The following SAFB2 variants were observed in gnomAD, a reference collection of about 807,000 sequenced individuals.
SAFB2 encodes scaffold attachment factor B2.
SAFB2 carries 32 observed loss-of-function variants against 100.6 expected under a neutral mutation model. The observed-to-expected ratio is 0.32, with a 90% CI of 0.24 to 0.43. SAFB2 has a LOEUF of 0.43. Among genes scored for constraint, SAFB2 ranks in the 20% least tolerant of loss-of-function variants. The pLI is 1.00. For synonymous variants in SAFB2, 500 were observed against 439.4 expected (o/e 1.14, Z -1.72); for missense variants, 1,185 against 1,163.4 (o/e 1.02, Z -0.27).
Position 5,587,104 on chromosome 19 carries a change from G to C in SAFB2, c.*139C>G. ...ACATTTATTTAAAAAAAAAAAAAAA[G>C]TGAGTTCACATTGTATTGAGCTACA... On this transcript the variant is annotated 3_prime_UTR_variant, in exon 21 of 21. Coordinates refer to ENST00000252542, the MANE Select transcript of SAFB2 (RefSeq NM_014649.3). The surrounding 1 kb of genome is among the most constrained non-coding windows in gnomAD (Gnocchi z 4.9). 1 of 962,954 alleles carries C rather than the reference G, an allele frequency of 1.0e-6. No homozygotes were observed. Among genetic ancestry groups the C allele is most frequent in the Admixed American group, 2.6e-5 (1 of 38,468 alleles). 59.7% of individuals were successfully genotyped at this position (962,954 alleles called of 1,614,324 possible). A position where few individuals can be genotyped will look rare whatever the true frequency, so the allele number is the denominator to read the frequency against.
chr19:5,605,250 G>A (rs556313840), intron 9 of SAFB2, among the ~76,000 whole-genome samples: 34 of 151,762 alleles, frequency 2.2e-4, no homozygotes, highest in Non-Finnish European at 4.9e-4. Context: ...GATTACAGGC[G>A]CCCGCCACCA....
chr19:5,602,578 C>T (rs987645137), intron 11 of SAFB2, among the ~76,000 whole-genome samples: 5 of 151,888 alleles, frequency 3.3e-5, no homozygotes, highest in Non-Finnish European at 4.4e-5. Flanking sequence ...CCAGCCTTGC[C>T]GTTTCCCAGC....
chr19:5,590,458 G>A (rs1156279094), intron 17 of SAFB2, 50 bp from the exon 18 acceptor site: 2 of 1,539,028 alleles, frequency 1.3e-6, no homozygotes, highest in Non-Finnish European at 1.8e-6. Context: ...CACCCACATA[G>A]GCCCACCTTC....
At chr19:5,592,695 T>C (rs935735676) in intron 16 of SAFB2, 52 bp downstream of exon 16, 1 of 1,605,402 alleles carries the variant, frequency 6.2e-7, no homozygotes, top group African/African-American at 1.3e-5. Flanking sequence ...GTCAGCTGGA[T>C]GCCCCGGTGC....
At chr19:5,616,063 C>T (rs751231155) in intron 4 of SAFB2, 69 bp downstream of exon 4, 39 of 1,448,130 alleles carry the variant, frequency 2.7e-5, no homozygotes, top group African/African-American at 8.4e-5. Flanking sequence ...CTCCCTCACA[C>T]GAGCAGCACG....
At chr19:5,619,301 G>A (rs2053095097) in intron 2 of SAFB2, among the ~76,000 whole-genome samples, 1 of 152,148 alleles carries the variant, frequency 6.6e-6, no homozygotes, top group African/African-American at 2.4e-5. Context: ...GCTCTCTCTG[G>A]GCTTGGTTAC....
At position 5,593,872 on chromosome 19, in the gene SAFB2, C is replaced by T; in HGVS notation, c.2207+19G>A. 2 of 1,451,058 alleles carry T rather than the reference C, an allele frequency of 1.4e-6. No homozygotes were observed. Among genetic ancestry groups the T allele is most frequent in the South Asian group, 1.5e-5 (1 of 68,178 alleles). 89.9% of individuals were successfully genotyped at this position (1,451,058 alleles called of 1,614,324 possible). A position where few individuals can be genotyped will look rare whatever the true frequency, so the allele number is the denominator to read the frequency against. On this transcript the variant is annotated intron_variant, in intron 15 of 20. Coordinates refer to ENST00000252542, the MANE Select transcript of SAFB2 (RefSeq NM_014649.3). ...GCCACGCTGGTCTCCGTCCTGCCCA[C>T]GCTCTGGGCGGGACTCACCGGTCCA...
At chr19:5,588,733 C>A (rs1013642626) in intron 18 of SAFB2, among the ~76,000 whole-genome samples, 1 of 152,114 alleles carries the variant, frequency 6.6e-6, no homozygotes, top group African/African-American at 2.4e-5. Flanking sequence ...GGTGCAGCTG[C>A]TAAAAGGGGC....
rs546267637 is a variant in SAFB2 at position 5,619,610 on chromosome 19, C to A, written c.274+1699G>T. ...ATCCCAGCACTTTGGGAGGCCCAGG[C>A]GGGTGGATCACCTGAGGTGAGGAGT... On this transcript the variant is annotated intron_variant, in intron 2 of 20. Transcript: ENST00000252542. Among the ~76,000 whole-genome samples the A allele has an allele frequency of 1.3e-4, 20 of 152,252 alleles. No individual in the cohort carries two copies. In the South Asian group the frequency reaches 3.5e-3, roughly 27 times the overall value.
At chr19:5,609,129 C>CATT (rs1296189828) in intron 9 of SAFB2, among the ~76,000 whole-genome samples, 1 of 149,750 alleles carries the variant, frequency 6.7e-6, no homozygotes, top group African/African-American at 2.5e-5. Context: ...ACAGTGGAAT[C>CATT]ATTTTAAATT....
rs746076638 is a variant in SAFB2 at position 5,587,909 on chromosome 19, A to G, written c.2597T>C (p.Met866Thr). The G allele has an allele frequency of 4.3e-6, 7 of 1,612,740 alleles. No individual in the cohort carries two copies. Among genetic ancestry groups the G allele is most frequent in the East Asian group, 2.2e-5 (1 of 44,874 alleles). ...EHQARAWQGA[M>T]DAGAASREHA... ...CTCCCGGCTAGCCGCGCCTGCGTCC[A>G]TGGCACCCTGCCAGGCGCGTGCCTG... Residue 866 changes from methionine (M) to threonine (T), a missense_variant, in exon 19 of 21, where the codon ATG (methionine) becomes ACG (threonine). By Grantham distance (81) the Met-to-Thr change is moderately conservative. Around this residue, in one of 3 missense-constraint regions of SAFB2, gnomAD observed 740 missense variants for 687.1 expected, o/e 1.08. Coordinates refer to ENST00000252542, the MANE Select transcript of SAFB2 (RefSeq NM_014649.3). This position sits in a 1 kb window ranked among gnomAD's most constrained non-coding sequence, Gnocchi z 4.9.
chr19:5,594,018 C>T lies in SAFB2; in HGVS notation c.2080G>A (p.Val694Met), dbSNP rs895204677. The T allele has an allele frequency of 5.7e-6, 9 of 1,565,452 alleles. No individual in the cohort carries two copies. The highest frequency in any genetic ancestry group is 1.3e-5 in the African/African-American group (1 of 74,094). Residue 694 changes from valine to methionine, a missense_variant, in exon 15 of 21, where the codon GTG becomes ATG. Coordinates refer to ENST00000252542, the MANE Select transcript of SAFB2 (RefSeq NM_014649.3). ...TGCTCCTTCCTGCGCTCACGCTCCA[C>T]GCGCATGCGCTCGCGCTCCAGCCGC... ...RERLERERMR[V>M]ERERRKEQER...
intron 11 of SAFB2, 92 bp from the exon 12 acceptor site, chr19:5,600,352 T>A (rs2052629565): frequency 1.3e-6 from 2 of 1,529,126 alleles, no homozygotes; most frequent in African/African-American, 2.8e-5. Flanking sequence ...TACTCAGACG[T>A]CCACACAAAA....
intron 18 of SAFB2, among the ~76,000 whole-genome samples, chr19:5,589,570 G>A (rs568640393): frequency 6.6e-6 from 1 of 152,110 alleles, no homozygotes; most frequent in Non-Finnish European, 1.5e-5. Flanking sequence ...CCGCAAAGCA[G>A]TCCTGCCACC....
chr19:5,618,337 G>A (rs2053076115), intron 2 of SAFB2, among the ~76,000 whole-genome samples: 1 of 152,076 alleles, frequency 6.6e-6, no homozygotes, highest in Non-Finnish European at 1.5e-5. Flanking sequence ...ACTCCAGCCT[G>A]GGCAACAGAG....
chr19:5,608,693 C>T (rs1469415268), intron 9 of SAFB2, among the ~76,000 whole-genome samples: 2 of 152,204 alleles, frequency 1.3e-5, no homozygotes, highest in African/African-American at 4.8e-5. Flanking sequence ...TGGTCCGAAC[C>T]TTGTCCCTTG....
intron 12 of SAFB2, 70 bp downstream of exon 12, chr19:5,600,060 C>T: frequency 6.6e-7 from 1 of 1,516,894 alleles, no homozygotes; most frequent in Non-Finnish European, 8.9e-7. Flanking sequence ...TCCTCACCTT[C>T]CCTCGGAACC....
intron 5 of SAFB2, 79 bp downstream of exon 5, chr19:5,613,386 A>G: frequency 9.1e-7 from 1 of 1,099,866 alleles, no homozygotes; most frequent in Non-Finnish European, 1.3e-6. Flanking sequence ...TTCCATACAC[A>G]TACACACTGC....
At chr19:5,604,078 T>TA (rs1176278376) in intron 11 of SAFB2, among the ~76,000 whole-genome samples, 62 of 152,224 alleles carry the variant, frequency 4.1e-4, no homozygotes, top group Non-Finnish European at 1.3e-4. Flanking sequence ...ATCCACTTCT[T>TA]AAAGACATGG....
Sources: gnomAD v4.1 joint callset for allele counts (sites outside exome capture counted in the v4.1 genomes callset) on GRCh38, gnomAD v4.1.1 for gene constraint, gnomAD v4.1.1 regional missense constraint, Gnocchi (gnomAD v3.1) non-coding constraint, MANE v1.5 for transcripts, NCBI Gene and HGNC (gene_info 2026-07-23, HGNC 2026-07-21) for gene names.